The following CLVS1 variants were observed in gnomAD, a reference collection of about 807,000 sequenced individuals.
CLVS1 encodes clavesin-1.
In CLVS1, 10 loss-of-function variants were observed where a neutral mutation model predicts 33.1. That is an observed-to-expected ratio of 0.30 (90% confidence interval 0.19 to 0.51). The LOEUF (loss-of-function observed/expected upper bound fraction) is 0.51. CLVS1 is among the 20% of genes least tolerant of loss of function. The pLI is 0.97. For synonymous variants in CLVS1, 163 were observed against 166.1 expected (o/e 0.98, Z 0.14); for missense variants, 343 against 433.4 (o/e 0.79, Z 1.85).
At chr8:61,191,411 C>T (rs561195505) in intron 2 of CLVS1, among the ~76,000 whole-genome samples, 3 of 152,298 alleles carry the variant, frequency 2.0e-5, no homozygotes, top group African/African-American at 7.2e-5. Flanking sequence ...AACCCACAGT[C>T]AATATCATAC....
intron 5 of CLVS1, chr8:61,465,611 C>A (rs79082727): frequency 6.6e-6 from 1 of 152,094 alleles, no homozygotes; most frequent in East Asian, 1.9e-4. Flanking sequence ...TGCTCTGGTA[C>A]TAAATGACCC....
intron 5 of CLVS1, among the ~76,000 whole-genome samples, chr8:61,475,628 C>CT (rs1817896270): frequency 1.3e-5 from 2 of 152,116 alleles, no homozygotes; most frequent in East Asian, 1.9e-4. Flanking sequence ...CCTTTGTCCA[C>CT]TTTTTGATGG....
At chr8:61,473,894 T>G (rs1318369917) in intron 5 of CLVS1, among the ~76,000 whole-genome samples, 1 of 152,136 alleles carries the variant, frequency 6.6e-6, no homozygotes, top group Non-Finnish European at 1.5e-5. Flanking sequence ...GTGTTGGACA[T>G]GATTAATGAG....
At chr8:61,251,334 T>G (rs1808943232) in intron 2 of CLVS1, among the ~76,000 whole-genome samples, 1 of 152,230 alleles carries the variant, frequency 6.6e-6, no homozygotes, top group East Asian at 1.9e-4. Flanking sequence ...ATTGAGGATT[T>G]TCGCATCTAT....
At chr8:61,459,495 G>A (rs1399147256) in intron 5 of CLVS1, among the ~76,000 whole-genome samples, 2 of 132,908 alleles carry the variant, frequency 1.5e-5, no homozygotes, top group East Asian at 2.2e-4. Context: ...TTTATCCCTC[G>A]CCCCCCTCCT....
chr8:61,252,748 T>A (rs1808979481), intron 2 of CLVS1, among the ~76,000 whole-genome samples: 1 of 152,188 alleles, frequency 6.6e-6, no homozygotes, highest in African/African-American at 2.4e-5. Context: ...ACTCCTGCTT[T>A]TTCTTTTGCT....
intron 2 of CLVS1, among the ~76,000 whole-genome samples, chr8:61,232,084 G>C (rs1202740738): frequency 7.7e-6 from 1 of 130,638 alleles, no homozygotes; most frequent in Non-Finnish European, 1.5e-5. Flanking sequence ...GCCCAGGCTG[G>C]AATGTAGTGG....
intron 2 of CLVS1, among the ~76,000 whole-genome samples, chr8:61,336,253 C>T (rs1390013008): frequency 6.6e-6 from 1 of 152,160 alleles, no homozygotes; most frequent in Non-Finnish European, 1.5e-5. Flanking sequence ...ACATTTCCTT[C>T]TCAGGAGTAA....
rs536161683 is a variant in CLVS1 at position 61,256,709 on chromosome 8, T to C, written c.-151-42968T>C. 1.3e-3 allele frequency among the ~76,000 whole-genome samples: 191 copies of C among 152,194 alleles called. 1 individual carries two copies. The highest frequency in any genetic ancestry group is 3.5e-3 in the Admixed American group (54 of 15,276). On this transcript the variant is annotated intron_variant, in intron 2 of 2. Transcript: ENST00000522621. Reference sequence around the variant, plus strand: ...TTATAGGAATCAAATGGCAAATTACTAGCACAGGTAACTTTGTTCTGACCA... The same window carrying C: ...TTATAGGAATCAAATGGCAAATTACCAGCACAGGTAACTTTGTTCTGACCA...
intron 1 of CLVS1, among the ~76,000 whole-genome samples, chr8:61,294,313 A>G (rs751524625): frequency 4.3e-4 from 65 of 152,260 alleles, no homozygotes; most frequent in Non-Finnish European, 5.3e-4. Context: ...TTCATCTAAT[A>G]GTAATAACCT....
At chr8:61,229,765 G>A (rs1031602365) in intron 2 of CLVS1, among the ~76,000 whole-genome samples, 5 of 152,164 alleles carry the variant, frequency 3.3e-5, no homozygotes, top group African/African-American at 9.7e-5. Context: ...CAAGTAGCTG[G>A]GATTACAGGT....
upstream of CLVS1, among the ~76,000 whole-genome samples, chr8:61,056,837 A>C (rs1475870923): frequency 6.6e-6 from 1 of 152,234 alleles, no homozygotes; most frequent in East Asian, 1.9e-4. Context: ...ATATTGAAGG[A>C]GAAATCACAG....
At chr8:61,064,536 C>CTT (rs1563389429) in intron 1 of CLVS1, among the ~76,000 whole-genome samples, 6 of 141,446 alleles carry the variant, frequency 4.2e-5, no homozygotes, top group Admixed American at 7.2e-5. Context: ...GTTCTTTGCC[C>CTT]ATTTTTTTTT....
At position 61,297,492 on chromosome 8, in the gene CLVS1, G is replaced by T. The variant is rs116180347; in HGVS notation, c.-151-2185G>T. ...TAGTTGACTCCCAGGTTTCTAGCGTGGGAAACTGCATGGAAGATGATGTCA... is the reference window on the plus strand; with the variant it reads ...TAGTTGACTCCCAGGTTTCTAGCGTTGGAAACTGCATGGAAGATGATGTCA... On this transcript the variant is annotated intron_variant, in intron 1 of 5. Coordinates refer to ENST00000325897, the MANE Select transcript of CLVS1 (RefSeq NM_173519.3). Among the ~76,000 whole-genome samples, 682 of 152,258 alleles carry T rather than the reference G, an allele frequency of 4.5e-3. 10 individuals carry two copies. The highest frequency in any genetic ancestry group is 0.016 in the African/African-American group (654 of 41,556).
intron 3 of CLVS1, among the ~76,000 whole-genome samples, chr8:61,446,696 C>G (rs942188192): frequency 1.3e-5 from 2 of 152,132 alleles, no homozygotes; most frequent in African/African-American, 2.4e-5. Context: ...TCAATACTGT[C>G]CCCACCTCTC....
chr8:61,134,039 G>A (rs1432462681), intron 2 of CLVS1, among the ~76,000 whole-genome samples: 1 of 152,162 alleles, frequency 6.6e-6, no homozygotes, highest in Non-Finnish European at 1.5e-5. Flanking sequence ...TAGACCCAGT[G>A]CATTTGAGAT....
chr8:61,257,776 T>G, intron 2 of CLVS1, among the ~76,000 whole-genome samples: 1 of 152,294 alleles, frequency 6.6e-6, no homozygotes, highest in Non-Finnish European at 1.5e-5. Context: ...ATATATTAAC[T>G]TAAATTTGGA....
intron 2 of CLVS1, among the ~76,000 whole-genome samples, chr8:61,242,014 G>T (rs1376609859): frequency 6.7e-6 from 1 of 149,422 alleles, no homozygotes; most frequent in Non-Finnish European, 1.5e-5. Context: ...TGCAGTCATT[G>T]TTGAATTGTT....
chr8:61,108,946 G>C (rs1805583852), intron 1 of CLVS1, among the ~76,000 whole-genome samples: 1 of 152,250 alleles, frequency 6.6e-6, no homozygotes, highest in African/African-American at 2.4e-5. Flanking sequence ...AAGCAACAGA[G>C]AGCATTTTAC....
Sources: gnomAD v4.1 joint callset for allele counts (sites outside exome capture counted in the v4.1 genomes callset) on GRCh38, gnomAD v4.1.1 for gene constraint, MANE v1.5 for transcripts, NCBI Gene and HGNC (gene_info 2026-07-23, HGNC 2026-07-21) for gene names.